The following CMIP variants were observed in gnomAD, a reference collection of about 807,000 sequenced individuals.
CMIP encodes C-Maf-inducing protein.
A neutral mutation model predicts 97.3 loss-of-function variants in CMIP; 13 were observed. The observed-to-expected ratio is 0.13, with a 90% CI of 0.09 to 0.21. CMIP has a LOEUF of 0.21. Among genes scored for constraint, CMIP ranks in the 10% least tolerant of loss-of-function variants. The pLI, the probability that CMIP is intolerant of heterozygous loss-of-function variation, is 1.00. For missense variants in CMIP, 847 were observed against 1,024.9 expected, an observed-to-expected ratio of 0.83 and a Z score of 2.37; for synonymous variants, 538 against 436.3, an observed-to-expected ratio of 1.23 and a Z score of -2.91.
chr16:81,578,964 G>C (rs1276671643), intron 1 of CMIP, among the ~76,000 whole-genome samples: 1 of 152,220 alleles, frequency 6.6e-6, no homozygotes, highest in Non-Finnish European at 1.5e-5. Flanking sequence ...GGGAACACTG[G>C]ACTAAGAGTC....
At chr16:81,580,627 G>C (rs764211183) in intron 1 of CMIP, among the ~76,000 whole-genome samples, 1 of 151,922 alleles carries the variant, frequency 6.6e-6, no homozygotes, top group Non-Finnish European at 1.5e-5. Context: ...GTAGAGACAG[G>C]GTTTTGCCAT....
chr16:81,690,094 C>T (rs780519167), intron 10 of CMIP, among the ~76,000 whole-genome samples: 22 of 152,136 alleles, frequency 1.4e-4, no homozygotes, highest in Non-Finnish European at 2.5e-4. Context: ...AGCGTGATGC[C>T]TCTAGCTTTG....
intron 1 of CMIP, among the ~76,000 whole-genome samples, chr16:81,553,816 A>G (rs1347329287): frequency 6.6e-6 from 1 of 152,260 alleles, no homozygotes; most frequent in Non-Finnish European, 1.5e-5. Context: ...GCTTCTAATT[A>G]GCAAAGATAG....
chr16:81,592,474 C>T (rs142204423), intron 1 of CMIP, among the ~76,000 whole-genome samples: 3 of 152,312 alleles, frequency 2.0e-5, no homozygotes, highest in Non-Finnish European at 4.4e-5. Context: ...CAGGGTGCCC[C>T]TCCCTCCTGT....
chr16:81,566,067 G>C (rs1291106376), intron 1 of CMIP, among the ~76,000 whole-genome samples: 1 of 152,224 alleles, frequency 6.6e-6, no homozygotes, highest in Non-Finnish European at 1.5e-5. Flanking sequence ...GGGGGACCTG[G>C]GAGACGTTGA....
intron 1 of CMIP, among the ~76,000 whole-genome samples, chr16:81,558,491 T>C (rs542858242): frequency 1.1e-3 from 162 of 152,276 alleles, no homozygotes; most frequent in Non-Finnish European, 1.8e-3. Context: ...ACATTTCCAC[T>C]AACAGCATGT....
chr16:81,608,291 C>G (rs1047518022), intron 2 of CMIP, among the ~76,000 whole-genome samples: 7 of 152,014 alleles, frequency 4.6e-5, no homozygotes, highest in Admixed American at 4.6e-4. Context: ...ACTGGGAAGC[C>G]TTAGAGGGGA....
rs1397268449 is a variant in CMIP, at chr16:81,445,194, C to G, written c.-48C>G. The G allele has an allele frequency of 3.0e-6, 4 of 1,338,334 alleles. No homozygotes were observed. Among genetic ancestry groups the G allele is most frequent in the African/African-American group, 3.0e-5 (2 of 66,366 alleles). The allele number at this position is 1,338,334 out of a possible 1,614,324, so 82.9% of individuals were successfully genotyped here. Reference sequence around the variant, plus strand: ...CGGGGGCCCCGCCGCCCCAGCAGCCCAGGACAGCCCCCTCTCCCCGCCCCC... The same window carrying G: ...CGGGGGCCCCGCCGCCCCAGCAGCCGAGGACAGCCCCCTCTCCCCGCCCCC... On this transcript the variant is annotated 5_prime_UTR_variant, in exon 1 of 21. Coordinates refer to ENST00000537098, the MANE Select transcript of CMIP (RefSeq NM_198390.3).
chr16:81,454,954 A>G (rs1002923896), intron 1 of CMIP, among the ~76,000 whole-genome samples: 31 of 152,292 alleles, frequency 2.0e-4, no homozygotes, highest in African/African-American at 7.5e-4. Context: ...GACAGGCCAG[A>G]GCGGCTGGGC....
chr16:81,624,197 ATTT>A (rs1365995406), intron 3 of CMIP, among the ~76,000 whole-genome samples: 2 of 150,678 alleles, frequency 1.3e-5, no homozygotes, highest in African/African-American at 4.9e-5. Flanking sequence ...CTCAGCTTGA[ATTT>A]TTTAACTCTC....
At position 81,701,777 on chromosome 16, in the gene CMIP, C is replaced by T. The variant is rs372615268; in HGVS notation, c.1873C>T (p.Arg625Trp). Residue 625 changes from arginine (R) to tryptophan (W), a missense_variant, in exon 16 of 21, where the codon CGG becomes TGG. Physicochemically the swap from Arg to Trp is moderately radical, Grantham distance 101. Transcript: ENST00000537098. ...GCGCATGTACGAGCAGCTGTGTGAC[C>T]GGCAGCGGGAGCTGAAGGAGCTGGT... ...GKRMYEQLCD[R>W]QRELKELQRK... 37 of 1,613,590 alleles carry T rather than the reference C, an allele frequency of 2.3e-5. No individual in the cohort carries two copies. Among genetic ancestry groups the T allele is most frequent in the African/African-American group, 9.3e-5 (7 of 74,924 alleles).
At position 81,506,644 on chromosome 16, in the gene CMIP, C is replaced by T. The variant is rs371094509; in HGVS notation, c.300+61103C>T. On this transcript the variant is annotated intron_variant, in intron 1 of 20. Coordinates refer to ENST00000537098, the MANE Select transcript of CMIP (RefSeq NM_198390.3). ...AAGTGGAACTTTGAGTTTGAAATGG[C>T]TCACTCATGCCTGTAATCCCAGCAC... Among the ~76,000 whole-genome samples the T allele has an allele frequency of 8.5e-5, 13 of 152,326 alleles. No individual in the cohort carries two copies. In the East Asian group the frequency reaches 2.5e-3, roughly 29 times the overall value.
chr16:81,595,606 C>G (rs56209914), intron 1 of CMIP, among the ~76,000 whole-genome samples: 11,809 of 152,122 alleles, frequency 0.078, 594 homozygotes, highest in East Asian at 0.28. Context: ...CCAGGCTGGT[C>G]TCAAACTCCT....
At chr16:81,450,934 C>G (rs1906168561) in intron 1 of CMIP, among the ~76,000 whole-genome samples, 1 of 152,216 alleles carries the variant, frequency 6.6e-6, no homozygotes, top group Non-Finnish European at 1.5e-5. Context: ...TGCATGCACA[C>G]AGCTGTCTAC....
At chr16:81,693,903 T>C (rs1375816884) in intron 13 of CMIP, among the ~76,000 whole-genome samples, 2 of 152,224 alleles carry the variant, frequency 1.3e-5, no homozygotes, top group African/African-American at 4.8e-5. Context: ...AGGGTTTCCC[T>C]GAAGGGCTGC....
intron 3 of CMIP, among the ~76,000 whole-genome samples, chr16:81,650,180 C>T (rs1390146867): frequency 2.6e-5 from 4 of 152,188 alleles, no homozygotes; most frequent in Non-Finnish European, 4.4e-5. Context: ...ACTTGTCACG[C>T]GTTTCTTCCT....
chr16:81,672,005 C>G lies in CMIP; in HGVS notation c.969C>G (p.Val323=). The part of the protein sequence containing the change: ...GPTGHCPHPR[V]LPNLVAVCLA... ...CAGGGCACTGCCCCCACCCCCGGGT[C>G]CTGCCCAACCTGGTGGCCGTGTGCC... is the stretch of plus-strand genomic sequence containing the variant. Residue 323 remains valine, a synonymous_variant, in exon 9 of 21, where the codon GTC becomes GTG. Transcript: ENST00000537098. The G allele has an allele frequency of 6.2e-7, 1 of 1,604,872 alleles. No homozygotes were observed. Among genetic ancestry groups the G allele is most frequent in the Non-Finnish European group, 8.5e-7 (1 of 1,175,316 alleles).
In CMIP at chr16:81,645,996, G is replaced by C. The variant is rs891292680; in HGVS notation, c.478-6207G>C. On this transcript the variant is annotated intron_variant, in intron 3 of 20. Transcript: ENST00000537098. ...ATGGTTATCCTTAGTACTTAACATA[G>C]TGCTTGGCACGTCATAGTAGATCTT... Among the ~76,000 whole-genome samples, 5 of 152,102 alleles carry C rather than the reference G, an allele frequency of 3.3e-5. No homozygotes were observed. The East Asian group carries it at 7.7e-4, about 23-fold the overall frequency.
chr16:81,681,539 G>T (rs1904874786), intron 10 of CMIP, among the ~76,000 whole-genome samples: 1 of 152,252 alleles, frequency 6.6e-6, no homozygotes, highest in Admixed American at 6.5e-5. Flanking sequence ...CTGAGTGCCT[G>T]GCGCAGAGCA....
Sources: gnomAD v4.1 joint callset for allele counts (sites outside exome capture counted in the v4.1 genomes callset) on GRCh38, gnomAD v4.1.1 for gene constraint, MANE v1.5 for transcripts, NCBI Gene and HGNC (gene_info 2026-07-23, HGNC 2026-07-21) for gene names.